Variants in LDLRAD3 observed in about 807,000 individuals in gnomAD.
The protein encoded by LDLRAD3 is low-density lipoprotein receptor class A domain-containing protein 3.
LDLRAD3 carries 20 observed loss-of-function variants against 29.4 expected under a neutral mutation model. That is an observed-to-expected ratio of 0.68 (90% CI 0.48 to 0.99). LDLRAD3 has a LOEUF of 0.99. Among genes scored for constraint, LDLRAD3 ranks in the 50% least tolerant of loss-of-function variants. The pLI is 0.00. For missense variants in LDLRAD3, 420 were observed against 454.3 expected (o/e 0.92, Z 0.69); for synonymous variants, 157 against 192.7 (o/e 0.81, Z 1.53).
intron 1 of LDLRAD3, among the ~76,000 whole-genome samples, chr11:35,955,463 T>A (rs1182952643): frequency 6.6e-6 from 1 of 152,182 alleles, no homozygotes; most frequent in Admixed American, 6.5e-5. Context: ...ATGTTACTCT[T>A]ATTAAAAGAA....
chr11:36,123,803 C>T (rs1189521310), intron 4 of LDLRAD3, among the ~76,000 whole-genome samples: 10 of 152,232 alleles, frequency 6.6e-5, no homozygotes, highest in Non-Finnish European at 7.3e-5. Flanking sequence ...TCTGTGCCAA[C>T]CACCCGGACT....
At chr11:36,146,262 G>A (rs117740652) in intron 4 of LDLRAD3, among the ~76,000 whole-genome samples, 611 of 152,280 alleles carry the variant, frequency 4.0e-3, no homozygotes, top group Non-Finnish European at 6.9e-3. Context: ...TCAAATGTCC[G>A]ATGAAAGTAA....
At chr11:36,123,816 T>G (rs1355216279) in intron 4 of LDLRAD3, among the ~76,000 whole-genome samples, 1 of 152,238 alleles carries the variant, frequency 6.6e-6, no homozygotes, top group Admixed American at 6.5e-5. Context: ...CCCGGACTCC[T>G]AAAGTCCGGC....
chr11:36,182,754 G>A (rs535088850), intron 4 of LDLRAD3, among the ~76,000 whole-genome samples: 143 of 152,276 alleles, frequency 9.4e-4, no homozygotes, highest in African/African-American at 3.2e-3. Flanking sequence ...GCATGCTACC[G>A]TTCTGCAGAG....
chr11:36,180,602 C>T (rs968497017), intron 4 of LDLRAD3, among the ~76,000 whole-genome samples: 36 of 152,128 alleles, frequency 2.4e-4, no homozygotes, highest in Non-Finnish European at 3.7e-4. Flanking sequence ...CTGGGTGACA[C>T]GGAGCGCATG....
intron 4 of LDLRAD3, among the ~76,000 whole-genome samples, chr11:36,140,989 GCTTTCT>G (rs1171143167): frequency 7.0e-5 from 3 of 42,568 alleles, no homozygotes; most frequent in African/African-American, 1.7e-4. Context: ...GTGCTGTTGA[GCTTTCT>G]CTCTCTCTCT....
At chr11:35,973,007 T>C (rs1462102871) in intron 1 of LDLRAD3, among the ~76,000 whole-genome samples, 1 of 144,228 alleles carries the variant, frequency 6.9e-6, no homozygotes, top group Admixed American at 7.2e-5. Context: ...GAGCCTAGAT[T>C]GCACCATTGC....
At chr11:36,026,290 GT>G in intron 1 of LDLRAD3, among the ~76,000 whole-genome samples, 1 of 152,142 alleles carries the variant, frequency 6.6e-6, no homozygotes, top group Non-Finnish European at 1.5e-5. Flanking sequence ...AATGTACCCT[GT>G]TTTCTCATCC....
At chr11:36,152,442 A>G (rs1854290596) in intron 4 of LDLRAD3, among the ~76,000 whole-genome samples, 1 of 152,222 alleles carries the variant, frequency 6.6e-6, no homozygotes, top group Non-Finnish European at 1.5e-5. Context: ...ACCTTAAGTC[A>G]AACAGAGCCT....
chr11:36,193,359 C>T (rs1001940174), intron 4 of LDLRAD3, among the ~76,000 whole-genome samples: 6 of 152,176 alleles, frequency 3.9e-5, no homozygotes, highest in Non-Finnish European at 8.8e-5. Flanking sequence ...TATCTGGCCA[C>T]CCTGAGTCTC....
intron 1 of LDLRAD3, among the ~76,000 whole-genome samples, chr11:35,960,522 T>G (rs115038255): frequency 8.1e-4 from 124 of 152,348 alleles, no homozygotes; most frequent in African/African-American, 2.8e-3. Context: ...CCACTTTTCT[T>G]CCAACATTTG....
At chr11:36,218,007 A>G (rs2133386640) in intron 4 of LDLRAD3, among the ~76,000 whole-genome samples, 1 of 152,300 alleles carries the variant, frequency 6.6e-6, no homozygotes, top group Non-Finnish European at 1.5e-5. Context: ...TTCTGGGTGG[A>G]CATACCTTTG....
intron 4 of LDLRAD3, among the ~76,000 whole-genome samples, chr11:36,202,673 A>G (rs1855143472): frequency 6.6e-6 from 1 of 152,112 alleles, no homozygotes; most frequent in Admixed American, 6.6e-5. Flanking sequence ...TCAACTTGAG[A>G]AAAAGAAGGA....
At chr11:36,067,716 G>A (rs1277553993) in intron 2 of LDLRAD3, among the ~76,000 whole-genome samples, 1 of 152,182 alleles carries the variant, frequency 6.6e-6, no homozygotes, top group Non-Finnish European at 1.5e-5. Context: ...TGTCACCCAC[G>A]CTAGAGTGCA....
At chr11:36,037,657 G>A (rs76500884) in intron 2 of LDLRAD3, among the ~76,000 whole-genome samples, 1,546 of 152,146 alleles carry the variant, frequency 0.01, 24 homozygotes, top group African/African-American at 0.033. Context: ...ATTTGGGGCC[G>A]AGTCTGTTGA....
chr11:36,112,693 C>T (rs1009628716), intron 4 of LDLRAD3, among the ~76,000 whole-genome samples: 20 of 152,152 alleles, frequency 1.3e-4, no homozygotes, highest in African/African-American at 2.7e-4. Context: ...CAAATCATTC[C>T]GTAGGATAGG....
chr11:36,002,814 G>T (rs1851840736), intron 1 of LDLRAD3, among the ~76,000 whole-genome samples: 2 of 152,214 alleles, frequency 1.3e-5, no homozygotes, highest in Non-Finnish European at 2.9e-5. Flanking sequence ...CAGTAGAAAA[G>T]AATTAGAGAT....
chr11:36,226,427 G>A (rs1855499241), intron 4 of LDLRAD3, among the ~76,000 whole-genome samples: 1 of 152,186 alleles, frequency 6.6e-6, no homozygotes, highest in African/African-American at 2.4e-5. Flanking sequence ...CTGTGTTCCT[G>A]AGGTGTGTTA....
At chr11:36,074,218 G>A (rs1041712909) in intron 2 of LDLRAD3, among the ~76,000 whole-genome samples, 4 of 152,208 alleles carry the variant, frequency 2.6e-5, no homozygotes, top group South Asian at 2.1e-4. Flanking sequence ...GCAAATGAGC[G>A]TACGTTCTTG....
Sources: gnomAD v4.1 joint callset for allele counts (sites outside exome capture counted in the v4.1 genomes callset) on GRCh38, gnomAD v4.1.1 for gene constraint, MANE v1.5 for transcripts, NCBI Gene and HGNC (gene_info 2026-07-23, HGNC 2026-07-21) for gene names.